The following ANKFN1 variants were observed in gnomAD, a reference collection of about 807,000 sequenced individuals.
ANKFN1 encodes ankyrin repeat and fibronectin type-III domain-containing protein 1.
Under a neutral mutation model 108.7 loss-of-function variants are expected in ANKFN1, and 74 were observed. The ratio of observed to expected loss-of-function variants is 0.68; its 90% CI spans 0.56 to 0.83. The LOEUF (loss-of-function observed/expected upper bound fraction) is 0.83, where lower values mean the gene tolerates loss of function less well. Ranked by LOEUF, ANKFN1 falls within the 40% of genes least tolerant of loss-of-function variation. ANKFN1 has a pLI of 0.00. For missense variants in ANKFN1, 1,505 were observed against 1,382.3 expected (o/e 1.09, Z -1.41); for synonymous variants, 547 against 516.2 (o/e 1.06, Z -0.81).
chr17:56,457,011 T>A, intron 12 of ANKFN1, 51 bp downstream of exon 12: 1 of 1,531,984 alleles, frequency 6.5e-7, no homozygotes, highest in Non-Finnish European at 9.0e-7. Context: ...AAGAATGCAC[T>A]GGTTTTGGTT....
intron 3 of ANKFN1, among the ~76,000 whole-genome samples, chr17:56,317,034 A>G (rs139557826): frequency 7.9e-5 from 12 of 152,336 alleles, no homozygotes; most frequent in Non-Finnish European, 1.3e-4. Context: ...GAGATCACAT[A>G]TATTGACTCT....
intron 8 of ANKFN1, among the ~76,000 whole-genome samples, chr17:56,426,872 A>G (rs1439779677): frequency 6.6e-6 from 1 of 152,254 alleles, no homozygotes; most frequent in Non-Finnish European, 1.5e-5. Flanking sequence ...GCAGAAGCTG[A>G]GCCTGGGAAT....
chr17:56,394,628 C>G (rs2047527307), intron 8 of ANKFN1, among the ~76,000 whole-genome samples: 1 of 152,132 alleles, frequency 6.6e-6, no homozygotes, highest in South Asian at 2.1e-4. Flanking sequence ...CCCCTGGGAG[C>G]CTGGCAGTTG....
intron 3 of ANKFN1, among the ~76,000 whole-genome samples, chr17:56,274,477 A>AAAT (rs985887284): frequency 5.9e-5 from 9 of 152,060 alleles, no homozygotes; most frequent in Admixed American, 2.0e-4. Context: ...CGCCTCAAAA[A>AAAT]AATAATAATA....
At chr17:56,118,795 G>A (rs925285224) in intron 4 of ANKFN1, among the ~76,000 whole-genome samples, 3 of 152,148 alleles carry the variant, frequency 2.0e-5, no homozygotes, top group East Asian at 1.9e-4. Flanking sequence ...TAGGCATACC[G>A]TGTAGTTTAC....
At position 56,420,010 on chromosome 17, in the gene ANKFN1, C is replaced by T. The variant is rs551516654; in HGVS notation, c.911-20317C>T. On this transcript the variant is annotated intron_variant, in intron 8 of 20. Transcript: ENST00000682825. ...CCAGCTTCATCTCCTACCATTTATC[C>T]TGCAGTCTACGGCCAAATCCCCAGA... is the stretch of plus-strand genomic sequence containing the variant. Among the ~76,000 whole-genome samples the T allele has an allele frequency of 5.9e-5, 9 of 152,226 alleles. No homozygotes were observed. In the East Asian group the frequency reaches 1.4e-3, roughly 23 times the overall value.
chr17:56,326,006 T>A (rs2045505606), intron 3 of ANKFN1, among the ~76,000 whole-genome samples: 1 of 152,200 alleles, frequency 6.6e-6, no homozygotes, highest in South Asian at 2.1e-4. Context: ...GAAGTCATGG[T>A]ATCCTTTCAC....
chr17:56,473,850 A>G (rs2050408886), intron 15 of ANKFN1, among the ~76,000 whole-genome samples: 1 of 152,096 alleles, frequency 6.6e-6, no homozygotes, highest in Admixed American at 6.5e-5. Context: ...GAGTTACTCC[A>G]TCCCAGAATG....
intron 4 of ANKFN1, among the ~76,000 whole-genome samples, chr17:56,117,277 A>G (rs1906339949): frequency 6.6e-6 from 1 of 152,316 alleles, no homozygotes; most frequent in African/African-American, 2.4e-5. Flanking sequence ...TGTAGTGACA[A>G]GGAATGAAGT....
At chr17:56,108,091 G>A (rs527974562) in intron 4 of ANKFN1, among the ~76,000 whole-genome samples, 1 of 152,236 alleles carries the variant, frequency 6.6e-6, no homozygotes, top group Admixed American at 6.5e-5. Context: ...CTGGAGTGCA[G>A]TGGTGTGATC....
At chr17:56,140,095 C>T (rs894550597) in intron 4 of ANKFN1, among the ~76,000 whole-genome samples, 1 of 152,244 alleles carries the variant, frequency 6.6e-6, no homozygotes. Flanking sequence ...CTGCAATCAT[C>T]TCGAACTCAA....
In ANKFN1 at chr17:56,243,000, T is replaced by C. The variant is rs544143593; in HGVS notation, c.53+15043T>C. 3.9e-5 allele frequency among the ~76,000 whole-genome samples: 6 copies of C among 152,284 alleles called. No homozygotes were observed. The East Asian group carries it at 7.7e-4, about 20-fold the overall frequency. On this transcript the variant is annotated intron_variant, in intron 3 of 20. Coordinates refer to ENST00000682825, the MANE Select transcript of ANKFN1 (RefSeq NM_001370326.1). ...TTTCTGACGTTAAACTATTATTGCA[T>C]TCTTGGCATAAACTCTACTTGGTAA...
chr17:56,183,025 A>G (rs1450631825), intron 1 of ANKFN1, among the ~76,000 whole-genome samples: 1 of 152,214 alleles, frequency 6.6e-6, no homozygotes, highest in East Asian at 1.9e-4. Flanking sequence ...CATGCTGCTC[A>G]GAAGAAAAGA....
intron 1 of ANKFN1, among the ~76,000 whole-genome samples, chr17:56,211,409 A>G (rs538534095): frequency 4.6e-5 from 7 of 152,068 alleles, no homozygotes; most frequent in Admixed American, 6.5e-5. Flanking sequence ...GATCTGGTGA[A>G]CGTAAGTATT....
chr17:56,508,487 T>G (rs2145486233), intron 20 of ANKFN1, among the ~76,000 whole-genome samples: 1 of 152,328 alleles, frequency 6.6e-6, no homozygotes, highest in Admixed American at 6.5e-5. Flanking sequence ...ATACAACTCA[T>G]ATAATATCAA....
chr17:56,443,345 G>GACA (rs1178622529), intron 10 of ANKFN1, among the ~76,000 whole-genome samples: 1 of 152,126 alleles, frequency 6.6e-6, no homozygotes. Flanking sequence ...CAGCCTGGGT[G>GACA]ACAGACTGAG....
chr17:56,415,444 T>G (rs1407745544), intron 8 of ANKFN1, among the ~76,000 whole-genome samples: 1 of 152,050 alleles, frequency 6.6e-6, no homozygotes, highest in East Asian at 1.9e-4. Context: ...AAAAAGAAAT[T>G]TCAAAAGTAA....
intron 4 of ANKFN1, among the ~76,000 whole-genome samples, chr17:56,057,290 T>TG (rs757346530): frequency 1.3e-5 from 2 of 152,224 alleles, no homozygotes; most frequent in African/African-American, 4.8e-5. Context: ...CTCCTGTTAA[T>TG]GATACTTTTA....
chr17:56,093,638 C>T (rs1905462627), intron 4 of ANKFN1, among the ~76,000 whole-genome samples: 1 of 151,504 alleles, frequency 6.6e-6, no homozygotes, highest in African/African-American at 2.4e-5. Flanking sequence ...CTTCTGATTT[C>T]AGATGATCCC....
Sources: gnomAD v4.1 joint callset for allele counts (sites outside exome capture counted in the v4.1 genomes callset) on GRCh38, gnomAD v4.1.1 for gene constraint, MANE v1.5 for transcripts, NCBI Gene and HGNC (gene_info 2026-07-23, HGNC 2026-07-21) for gene names.